AUH: variants seen among roughly 807,000 people sequenced by gnomAD.
The protein encoded by AUH is AU RNA binding methylglutaconyl-CoA hydratase.
Under a neutral mutation model 42.3 loss-of-function variants are expected in AUH, and 29 were observed. That is an observed-to-expected ratio of 0.69 (90% CI 0.51 to 0.93). The LOEUF is 0.93. AUH is among the 40% of genes least tolerant of loss of function. The probability of loss-of-function intolerance (pLI) is 0.00; values close to 1 mark genes in which losing one functional copy is unlikely to be tolerated. For synonymous variants in AUH, 174 were observed against 166.4 expected (o/e 1.05, Z -0.35); for missense variants, 452 against 438.1 (o/e 1.03, Z -0.28).
chr9:91,283,282 C>G (rs1413045369), intron 6 of AUH, among the ~76,000 whole-genome samples: 4 of 152,164 alleles, frequency 2.6e-5, no homozygotes, highest in Non-Finnish European at 5.9e-5. Flanking sequence ...TAAAAACTCT[C>G]AATAAATTAG....
At chr9:91,229,086 T>C (rs1827707453) in intron 6 of AUH, among the ~76,000 whole-genome samples, 1 of 150,418 alleles carries the variant, frequency 6.6e-6, no homozygotes. Context: ...GGTGCAGAGC[T>C]GAGTTCAATT....
At chr9:91,360,013 G>GA (rs1044119659) in intron 1 of AUH, among the ~76,000 whole-genome samples, 2,688 of 115,254 alleles carry the variant, frequency 0.023, 26 homozygotes, top group Middle Eastern at 0.098. Flanking sequence ...CAAGGCTAAA[G>GA]AAAAAAAAAA....
intron 6 of AUH, among the ~76,000 whole-genome samples, chr9:91,291,810 T>C (rs888510840): frequency 6.6e-6 from 1 of 151,934 alleles, no homozygotes; most frequent in African/African-American, 2.4e-5. Context: ...ATATTTACAT[T>C]GTTACTGTTG....
intron 4 of AUH, among the ~76,000 whole-genome samples, chr9:91,314,928 GCTT>G (rs1053189432): frequency 1.3e-5 from 2 of 152,152 alleles, no homozygotes; most frequent in South Asian, 4.1e-4. Context: ...CGTGTCATCT[GCTT>G]CTTCTTTTTT....
chr9:91,359,397 T>C (rs1004187712), intron 1 of AUH, among the ~76,000 whole-genome samples: 1 of 152,182 alleles, frequency 6.6e-6, no homozygotes, highest in African/African-American at 2.4e-5. Flanking sequence ...TGGCTTGTTG[T>C]TGCTATTTTA....
chr9:91,348,775 A>G (rs542530655), intron 3 of AUH, among the ~76,000 whole-genome samples: 9 of 152,310 alleles, frequency 5.9e-5, no homozygotes, highest in African/African-American at 2.2e-4. Flanking sequence ...GCAAATGGAC[A>G]CAAGAAAACT....
chr9:91,214,608 T>C (rs1282992388), intron 9 of AUH, among the ~76,000 whole-genome samples, 183 bp from the exon 10 acceptor site: 2 of 152,172 alleles, frequency 1.3e-5, no homozygotes, highest in Non-Finnish European at 2.9e-5. Flanking sequence ...TCTACCCCAT[T>C]TTGCTCTTCT....
At chr9:91,346,082 G>C (rs146024449) in intron 3 of AUH, among the ~76,000 whole-genome samples, 74 of 152,234 alleles carry the variant, frequency 4.9e-4, no homozygotes, top group African/African-American at 1.7e-3. Context: ...AATTTCCTGA[G>C]TGACAGAGTG....
chr9:91,280,446 A>G (rs1587757441), intron 6 of AUH, among the ~76,000 whole-genome samples: 1 of 152,342 alleles, frequency 6.6e-6, no homozygotes, highest in Non-Finnish European at 1.5e-5. Flanking sequence ...AGTTACTAGC[A>G]ATTTTTAAAA....
At chr9:91,247,712 G>A (rs1828877063) in intron 6 of AUH, among the ~76,000 whole-genome samples, 1 of 152,116 alleles carries the variant, frequency 6.6e-6, no homozygotes. Context: ...TCATTCTATA[G>A]GTGTTCAGTA....
At chr9:91,224,942 AC>A (rs1827351181) in intron 6 of AUH, among the ~76,000 whole-genome samples, 1 of 152,232 alleles carries the variant, frequency 6.6e-6, no homozygotes, top group Non-Finnish European at 1.5e-5. Flanking sequence ...TGAGCAAAGA[AC>A]TTTACAAATG....
At chr9:91,292,937 T>C (rs199852547) in intron 6 of AUH, among the ~76,000 whole-genome samples, 1 of 152,188 alleles carries the variant, frequency 6.6e-6, no homozygotes, top group East Asian at 1.9e-4. Flanking sequence ...TGTGCCATAT[T>C]TTGGTAATTT....
intron 6 of AUH, among the ~76,000 whole-genome samples, chr9:91,232,624 G>A (rs1211195990): frequency 2.6e-5 from 4 of 152,204 alleles, no homozygotes; most frequent in African/African-American, 7.2e-5. Context: ...CAGAAACTGA[G>A]TTCCAAAGCT....
chr9:91,328,423 G>C (rs148512198), intron 3 of AUH, among the ~76,000 whole-genome samples: 1 of 152,206 alleles, frequency 6.6e-6, no homozygotes, highest in African/African-American at 2.4e-5. Context: ...GGATGTAAGA[G>C]GCTGGAAAGC....
intron 6 of AUH, among the ~76,000 whole-genome samples, chr9:91,222,166 C>A (rs534224992): frequency 6.6e-5 from 10 of 151,390 alleles, no homozygotes; most frequent in East Asian, 3.9e-4. Flanking sequence ...AAAAAAAAAA[C>A]CAATTTACCT....
rs1164854185 is a variant in AUH at position 91,323,984 on chromosome 9, A to C, written c.505+1334T>G. On this transcript the variant is annotated intron_variant, in intron 4 of 9. Coordinates refer to ENST00000375731, the MANE Select transcript of AUH (RefSeq NM_001698.3). Reference sequence around the variant, plus strand: ...TCATTTGGAAAAACTGATGTGCGAGAATCAACAGAGAAAACCTTCAAGGAA... The same window carrying C: ...TCATTTGGAAAAACTGATGTGCGAGCATCAACAGAGAAAACCTTCAAGGAA... Among the ~76,000 whole-genome samples the C allele has an allele frequency of 5.3e-5, 8 of 152,304 alleles. No individual in the cohort carries two copies. The East Asian group carries it at 1.2e-3, about 22-fold the overall frequency.
intron 5 of AUH, among the ~76,000 whole-genome samples, chr9:91,297,250 T>C (rs1413354514): frequency 6.6e-6 from 1 of 152,206 alleles, no homozygotes. Flanking sequence ...AAGTACCTGC[T>C]CTGAGGGTTG....
chr9:91,219,486 G>A (rs1827012998), intron 7 of AUH, among the ~76,000 whole-genome samples: 1 of 152,148 alleles, frequency 6.6e-6, no homozygotes, highest in Non-Finnish European at 1.5e-5. Context: ...TCATATTTGG[G>A]AAGAATAAAT....
At chr9:91,216,437 G>A (rs1044097607) in intron 8 of AUH, among the ~76,000 whole-genome samples, 113 of 133,038 alleles carry the variant, frequency 8.5e-4, no homozygotes, top group African/African-American at 2.0e-3. Flanking sequence ...CCTTTATGTC[G>A]CGACACACAC....
Sources: allele counts gnomAD v4.1 joint callset (sites outside exome capture counted in the v4.1 genomes callset), GRCh38; gene constraint gnomAD v4.1.1; transcripts MANE v1.5; gene names NCBI Gene and HGNC (gene_info 2026-07-23, HGNC 2026-07-21).